LRRC43: variants seen among roughly 807,000 people sequenced by gnomAD.
LRRC43 encodes the protein leucine rich repeat containing 43.
Under a neutral mutation model 64.3 loss-of-function variants are expected in LRRC43, and 62 were observed. That is an observed-to-expected ratio of 0.96 (90% CI 0.79 to 1.19). LRRC43 has a LOEUF of 1.19. Ranked by LOEUF, LRRC43 falls within the 50% of genes most tolerant of loss-of-function variation. The pLI is 0.00. For missense variants in LRRC43, 868 were observed against 845.0 expected (o/e 1.03, Z -0.34); for synonymous variants, 422 against 382.3 (o/e 1.10, Z -1.21).
At position 122,200,984 on chromosome 12, in the gene LRRC43, A is replaced by C; in HGVS notation, c.1809+50A>C. On this transcript the variant is annotated intron_variant, in intron 10 of 11. Transcript: ENST00000339777. This position sits in a 1 kb window ranked among gnomAD's most constrained non-coding sequence, Gnocchi z 4.6. ...CTCCACCTCTGCCTTCGCCCTCCCC[A>C]TGGGAACCCCGCGGGCAAGCAAGGG... is the stretch of plus-strand genomic sequence containing the variant. 3 of 1,529,984 alleles carry C rather than the reference A, an allele frequency of 2.0e-6. No homozygotes were observed. The highest frequency in any genetic ancestry group is 1.4e-5 in the African/African-American group (1 of 72,354). The allele number at this position is 1,529,984 out of a possible 1,614,324, so 94.8% of individuals were successfully genotyped here.
upstream of LRRC43, among the ~76,000 whole-genome samples, chr12:122,180,863 A>G (rs1321083129): frequency 2.0e-5 from 3 of 152,174 alleles, no homozygotes; most frequent in African/African-American, 7.2e-5. Flanking sequence ...TGCAGGAGCC[A>G]TATCTGTGAT....
chr12:122,184,860 A>G lies in LRRC43; in HGVS notation c.411+81A>G. 6.8e-7 allele frequency: 1 copy of G among 1,459,866 alleles called. No individual in the cohort carries two copies. Among genetic ancestry groups the G allele is most frequent in the Non-Finnish European group, 9.3e-7 (1 of 1,073,492 alleles). 90.4% of individuals were successfully genotyped at this position (1,459,866 alleles called of 1,614,324 possible). A position where few individuals can be genotyped will look rare whatever the true frequency, so the allele number is the denominator to read the frequency against. ...TTGTGGGGAGGGCACCCTTCCCCAC[A>G]GCGCGTCAGGGATCCTGCTTTCAGG... is the stretch of plus-strand genomic sequence containing the variant. On this transcript the variant is annotated intron_variant, in intron 2 of 11. Coordinates refer to ENST00000339777, the MANE Select transcript of LRRC43 (RefSeq NM_001098519.2). This position sits in a 1 kb window ranked among gnomAD's most constrained non-coding sequence, Gnocchi z 4.0.
intron 6 of LRRC43, 35 bp downstream of exon 6, chr12:122,191,602 C>T: frequency 1.3e-6 from 2 of 1,562,922 alleles, no homozygotes; most frequent in Non-Finnish European, 1.7e-6. Context: ...GTATGGGGGG[C>T]TCTTGTGAAG....
chr12:122,181,824 T>C (rs139665284), upstream of LRRC43, among the ~76,000 whole-genome samples: 1,059 of 151,432 alleles, frequency 7.0e-3, 15 homozygotes, highest in African/African-American at 0.024. Context: ...CAGGCTGGTC[T>C]CGAACTCCTG....
chr12:122,189,794 T>C (rs1953692905), intron 4 of LRRC43, among the ~76,000 whole-genome samples: 1 of 152,172 alleles, frequency 6.6e-6, no homozygotes. Flanking sequence ...CTGCCTGTAC[T>C]ATTTGTGCAG....
chr12:122,193,643 C>T (rs920454812), intron 7 of LRRC43, among the ~76,000 whole-genome samples: 4 of 152,204 alleles, frequency 2.6e-5, no homozygotes, highest in Admixed American at 1.3e-4. Flanking sequence ...CAGCTTACTG[C>T]ATCCTCCATC....
intron 6 of LRRC43, among the ~76,000 whole-genome samples, chr12:122,192,303 AT>A (rs1234857411): frequency 1.5e-4 from 23 of 151,916 alleles, no homozygotes; most frequent in African/African-American, 5.3e-4. Flanking sequence ...TACCTGGCTC[AT>A]TTTTTGTATT....
intron 7 of LRRC43, among the ~76,000 whole-genome samples, chr12:122,194,697 C>G (rs895340384): frequency 1.3e-4 from 20 of 152,028 alleles, no homozygotes; most frequent in Admixed American, 1.2e-3. Flanking sequence ...TCTTGAACTC[C>G]TGATCTCAAG....
At chr12:122,198,746 C>G (rs1283526827) in intron 7 of LRRC43, among the ~76,000 whole-genome samples, 1 of 137,056 alleles carries the variant, frequency 7.3e-6, no homozygotes, top group Non-Finnish European at 1.6e-5. Context: ...TCTCCTGCCT[C>G]AGCTTCCCAA....
Position 122,200,488 on chromosome 12 carries a change from C to G in LRRC43, c.1492-44C>G. The G allele has an allele frequency of 6.2e-7, 1 of 1,613,750 alleles. No homozygotes were observed. Among genetic ancestry groups the G allele is most frequent in the Non-Finnish European group, 8.5e-7 (1 of 1,179,860 alleles). ...TGAGGGAGAGGTGACCCCAGGCAGC[C>G]CGCCTGGGCCTCTGCTCACTCGAGG... On this transcript the variant is annotated intron_variant, in intron 8 of 11. Transcript: ENST00000339777. The surrounding 1 kb of genome is among the most constrained non-coding windows in gnomAD (Gnocchi z 4.6).
At chr12:122,172,650 G>A in intron 1 of LRRC43, 5 of 1,614,168 alleles carry the variant, frequency 3.1e-6, no homozygotes, top group Non-Finnish European at 4.2e-6. Context: ...CCGGATGGCT[G>A]GGCTGTGGAT....
At chr12:122,191,726 C>T (rs1953721296) in intron 6 of LRRC43, among the ~76,000 whole-genome samples, 159 bp downstream of exon 6, 2 of 151,908 alleles carry the variant, frequency 1.3e-5, no homozygotes, top group African/African-American at 4.8e-5. Context: ...GTAATCTCAG[C>T]TCACTGTAAC....
At chr12:122,202,829 C>T (rs573706013) in intron 11 of LRRC43, among the ~76,000 whole-genome samples, 4 of 152,240 alleles carry the variant, frequency 2.6e-5, no homozygotes, top group East Asian at 3.9e-4. Flanking sequence ...CGGTAGTGTA[C>T]GCCTGTGATC....
upstream of LRRC43, among the ~76,000 whole-genome samples, chr12:122,180,224 A>G (rs1221513789): frequency 6.6e-6 from 1 of 152,064 alleles, no homozygotes; most frequent in African/African-American, 2.4e-5. Flanking sequence ...AAGTGAGGAA[A>G]AAGTGAGCAT....
chr12:122,179,868 G>A (rs978045269), upstream of LRRC43, among the ~76,000 whole-genome samples: 6 of 151,760 alleles, frequency 4.0e-5, no homozygotes, highest in African/African-American at 1.2e-4. Flanking sequence ...CTACTCAGGA[G>A]GCTGAGGCAG....
At chr12:122,172,455 G>A (rs1471199710) in intron 1 of LRRC43, 1 of 1,614,136 alleles carries the variant, frequency 6.2e-7, no homozygotes, top group Non-Finnish European at 8.5e-7. Flanking sequence ...TGATTTTAGT[G>A]CGAGGTCCAT....
chr12:122,194,811 C>G (rs906250612), intron 7 of LRRC43, among the ~76,000 whole-genome samples: 7 of 152,064 alleles, frequency 4.6e-5, no homozygotes, highest in African/African-American at 1.7e-4. Flanking sequence ...CATTCTCACC[C>G]CCATTTCCTT....
chr12:122,174,860 A>C (rs1457886599), intron 1 of LRRC43, among the ~76,000 whole-genome samples: 2 of 134,964 alleles, frequency 1.5e-5, no homozygotes, highest in Admixed American at 7.9e-5. Context: ...TTTTTTTTTG[A>C]GATGGAGTCT....
In LRRC43 at chr12:122,190,152, C is replaced by G. The variant is rs377167993; in HGVS notation, c.685C>G (p.Leu229Val). 74 of 1,614,028 alleles carry G rather than the reference C, an allele frequency of 4.6e-5. No homozygotes were observed. The highest frequency in any genetic ancestry group is 6.2e-5 in the Non-Finnish European group (73 of 1,180,036). ...NHWPNLVSLD[L>V]GFNDLTDLQS... ...CAGGCCCAACCTCGTCTCCCTGGACCTGGGCTTCAACGACCTGACAGACCT... is the reference window on the plus strand; with the variant it reads ...CAGGCCCAACCTCGTCTCCCTGGACGTGGGCTTCAACGACCTGACAGACCT... Residue 229 changes from leucine to valine, a missense_variant, in exon 5 of 12, where the codon CTG becomes GTG. Coordinates refer to ENST00000339777, the MANE Select transcript of LRRC43 (RefSeq NM_001098519.2).
Sources: allele counts gnomAD v4.1 joint callset (sites outside exome capture counted in the v4.1 genomes callset), GRCh38; gene constraint gnomAD v4.1.1; non-coding constraint Gnocchi (gnomAD v3.1); transcripts MANE v1.5; gene names NCBI Gene and HGNC (gene_info 2026-07-23, HGNC 2026-07-21).